KIF27: variants seen among roughly 807,000 people sequenced by gnomAD.
The protein encoded by KIF27 is kinesin-like protein KIF27.
A neutral mutation model predicts 141.8 loss-of-function variants in KIF27; 84 were observed. The observed-to-expected ratio is 0.59, with a 90% CI of 0.50 to 0.71. The LOEUF (loss-of-function observed/expected upper bound fraction) is 0.71, where lower values mean the gene tolerates loss of function less well. Among genes scored for constraint, KIF27 ranks in the 30% least tolerant of loss-of-function variants. The pLI is 0.00. For missense variants in KIF27, 1,306 were observed against 1,628.4 expected (o/e 0.80, Z 3.41); for synonymous variants, 471 against 569.5 (o/e 0.83, Z 2.46).
chr9:83,905,407 C>T (rs1261706540), intron 3 of KIF27, among the ~76,000 whole-genome samples: 9 of 152,108 alleles, frequency 5.9e-5, no homozygotes, highest in African/African-American at 1.2e-4. Context: ...CGTGAGCCAC[C>T]GCACCCGGCC....
intron 13 of KIF27, among the ~76,000 whole-genome samples, chr9:83,861,645 G>C (rs533454086): frequency 0.01 from 1,533 of 151,980 alleles, 26 homozygotes; most frequent in African/African-American, 0.035. Flanking sequence ...ACATATGTGT[G>C]CATGTGTCTT....
intron 10 of KIF27, 28 bp from the exon 11 acceptor site, chr9:83,880,522 G>C: frequency 6.6e-7 from 1 of 1,521,550 alleles, no homozygotes; most frequent in Non-Finnish European, 9.0e-7. Flanking sequence ...ATTTCAAAAT[G>C]AAAAACTGAA....
At chr9:83,890,865 T>C in intron 6 of KIF27, among the ~76,000 whole-genome samples, 1 of 152,230 alleles carries the variant, frequency 6.6e-6, no homozygotes, top group South Asian at 2.1e-4. Context: ...TATATTGATA[T>C]TTATATTGTC....
intron 13 of KIF27, among the ~76,000 whole-genome samples, chr9:83,865,064 T>C (rs914066581): frequency 6.6e-6 from 1 of 152,182 alleles, no homozygotes; most frequent in African/African-American, 2.4e-5. Flanking sequence ...TGAGCCTATA[T>C]GTGTCTCTGC....
chr9:83,878,824 G>C (rs978282306), intron 11 of KIF27, among the ~76,000 whole-genome samples: 2 of 152,042 alleles, frequency 1.3e-5, no homozygotes, highest in African/African-American at 4.8e-5. Flanking sequence ...GAAATAGATA[G>C]TGGTGATGGT....
At chr9:83,892,265 A>G (rs1229881238) in intron 5 of KIF27, among the ~76,000 whole-genome samples, 1 of 152,230 alleles carries the variant, frequency 6.6e-6, no homozygotes. Context: ...TTTTCATTGT[A>G]TAAATGCTGA....
In KIF27 at chr9:83,863,082, C is replaced by T. The variant is rs575521204; in HGVS notation, c.2935-3711G>A. Among the ~76,000 whole-genome samples, 24 of 152,226 alleles carry T rather than the reference C, an allele frequency of 1.6e-4. No homozygotes were observed. The South Asian group carries it at 2.3e-3, about 14-fold the overall frequency. On this transcript the variant is annotated intron_variant, in intron 13 of 17. Transcript: ENST00000297814. ...AGCTTAAGGAGATTTTGGGCTGAGA[C>T]GATGGGGTTTTCTAGATATACAATC...
intron 3 of KIF27, among the ~76,000 whole-genome samples, chr9:83,907,019 G>C (rs555155666): frequency 1.3e-5 from 2 of 151,960 alleles, no homozygotes; most frequent in Admixed American, 1.3e-4. Context: ...GGCCAGGCAT[G>C]GTGGCTCATG....
chr9:83,903,215 G>A lies in KIF27; in HGVS notation c.1303C>T (p.Gln435Ter), dbSNP rs1954116799. Residue 435 changes from glutamine to a stop codon, truncating the protein, a stop_gained, in exon 4 of 18, where the codon CAG becomes TAG. Transcript: ENST00000297814. LOFTEE classifies it high-confidence loss of function. ...LKDTVRLNEKQQHKLQEWFNM... is the reference protein window; with the variant it reads ...LKDTVRLNEK ...AACCACTCCTGCAGTTTGTGTTGCTGCTTTTCGTTTAGTCTGACAGTATCT... is the reference window on the plus strand; with the variant it reads ...AACCACTCCTGCAGTTTGTGTTGCTACTTTTCGTTTAGTCTGACAGTATCT... 6.2e-7 allele frequency: 1 copy of A among 1,614,112 alleles called. No individual in the cohort carries two copies. Among genetic ancestry groups the A allele is most frequent in the Non-Finnish European group, 8.5e-7 (1 of 1,180,022 alleles).
At chr9:83,891,879 A>G (rs1952715313) in intron 5 of KIF27, among the ~76,000 whole-genome samples, 2 of 152,216 alleles carry the variant, frequency 1.3e-5, no homozygotes, top group Admixed American at 1.3e-4. Context: ...AAGTGGAGAA[A>G]GAATTGTAGG....
chr9:83,884,638 G>A (rs1412734573), intron 9 of KIF27, among the ~76,000 whole-genome samples: 5 of 151,636 alleles, frequency 3.3e-5, no homozygotes, highest in African/African-American at 7.3e-5. Flanking sequence ...TACTGCAATC[G>A]GCATTCACAC....
At chr9:83,855,403 T>A (rs1949086618) in intron 14 of KIF27, among the ~76,000 whole-genome samples, 1 of 152,198 alleles carries the variant, frequency 6.6e-6, no homozygotes, top group South Asian at 2.1e-4. Context: ...CTCTGTGCAA[T>A]CACTAACCAT....
chr9:83,903,458 C>G lies in KIF27; in HGVS notation c.1060G>C (p.Asp354His). ...TCAAATTCCATTTCATCTATACGGT[C>G]TGACTCGGGGCTGAAGTTTACAGTG... is the stretch of plus-strand genomic sequence containing the variant. ...KPTVNFSPESDRIDEMEFEIK... is the reference protein window; with the variant it reads ...KPTVNFSPESHRIDEMEFEIK... Residue 354 changes from aspartate (D) to histidine (H), a missense_variant, in exon 4 of 18, where the codon GAC (aspartate) becomes CAC (histidine). By Grantham distance (81) the Asp-to-His change is moderately conservative (BLOSUM62 -1). Transcript: ENST00000297814. 6.2e-7 allele frequency: 1 copy of G among 1,614,134 alleles called. No homozygotes were observed. Among genetic ancestry groups the G allele is most frequent in the African/African-American group, 1.3e-5 (1 of 75,048 alleles).
Position 83,911,508 on chromosome 9 carries a change from C to T in KIF27, c.299-2856G>A, listed in dbSNP as rs1588309842. ...CCTCCCAAAGTGCTGAGCTTACAGG[C>T]GTGAGCCACCACACCCGGCCCACTT... On this transcript the variant is annotated intron_variant, in intron 2 of 17. Transcript: ENST00000297814. Among the ~76,000 whole-genome samples the T allele has an allele frequency of 4.6e-5, 7 of 152,152 alleles. No homozygotes were observed. The South Asian group carries it at 8.3e-4, about 18-fold the overall frequency.
chr9:83,848,470 GTA>G (rs1443928591), intron 16 of KIF27, among the ~76,000 whole-genome samples: 6 of 137,414 alleles, frequency 4.4e-5, no homozygotes, highest in Non-Finnish European at 7.7e-5. Flanking sequence ...ATATCTATAT[GTA>G]TATATACATA....
intron 8 of KIF27, among the ~76,000 whole-genome samples, chr9:83,888,195 T>C (rs1012721851): frequency 1.4e-5 from 2 of 146,992 alleles, no homozygotes; most frequent in Non-Finnish European, 3.0e-5. Context: ...TATTTTAACA[T>C]CATCAGGAAT....
Position 83,856,734 on chromosome 9 carries a change from C to A in KIF27, c.3150+2422G>T, listed in dbSNP as rs113854949. On this transcript the variant is annotated intron_variant, in intron 14 of 17. Coordinates refer to ENST00000297814, the MANE Select transcript of KIF27 (RefSeq NM_017576.4). ...CCAGCCTGGTGACAGAGCAAGACTC[C>A]GTCTCAAAAAAAAAAAAAAAAAAAA... 3.7e-4 allele frequency among the ~76,000 whole-genome samples: 49 copies of A among 132,200 alleles called. No individual in the cohort carries two copies. The Admixed American group carries it at 3.8e-3, about 10-fold the overall frequency. The allele number at this position is 132,200 out of a possible 152,430, so 86.7% of individuals were successfully genotyped here.
rs58897060 is a variant in KIF27 at position 83,878,161 on chromosome 9, CAAAAAAAAAAAAAA to C, written c.2643+2122_2643+2135del. ...CCTGGGCAACAGAGAGACTCTGTCT[CAAAAAAAAAAAAAA>C]AAAAAAAAAAAAAAGAGATACAACG... On this transcript the variant is annotated intron_variant, in intron 11 of 17. Coordinates refer to ENST00000297814, the MANE Select transcript of KIF27 (RefSeq NM_017576.4). Among the ~76,000 whole-genome samples, 68 of 38,474 alleles carry C rather than the reference CAAAAAAAAAAAAAA, an allele frequency of 1.8e-3. 2 individuals are homozygous for C. Among genetic ancestry groups the C allele is most frequent in the Non-Finnish European group, 2.8e-3 (56 of 19,768 alleles). 25.2% of individuals were successfully genotyped at this position (38,474 alleles called of 152,430 possible).
At chr9:83,890,484 C>A (rs1281980076) in intron 6 of KIF27, among the ~76,000 whole-genome samples, 1 of 152,210 alleles carries the variant, frequency 6.6e-6, no homozygotes, top group Admixed American at 6.5e-5. Context: ...ATAATAAAAT[C>A]TTTGTTCAGA....
Sources: gnomAD v4.1 joint callset for allele counts (sites outside exome capture counted in the v4.1 genomes callset) on GRCh38, gnomAD v4.1.1 for gene constraint, MANE v1.5 for transcripts, NCBI Gene and HGNC (gene_info 2026-07-23, HGNC 2026-07-21) for gene names.